ZMAT4: variants seen among roughly 807,000 people sequenced by gnomAD.
The protein encoded by ZMAT4 is zinc finger matrin-type protein 4.
Under a neutral mutation model 28.7 loss-of-function variants are expected in ZMAT4, and 17 were observed. That is an observed-to-expected ratio of 0.59 (90% CI 0.41 to 0.89). ZMAT4 has a LOEUF of 0.89. ZMAT4 is among the 40% of genes least tolerant of loss of function. ZMAT4 has a pLI of 0.00. For missense variants in ZMAT4, 240 were observed against 283.8 expected, an observed-to-expected ratio of 0.85 and a Z score of 1.11; for synonymous variants, 117 against 109.2, an observed-to-expected ratio of 1.07 and a Z score of -0.44.
chr8:40,615,506 T>C (rs1208763737), intron 5 of ZMAT4, among the ~76,000 whole-genome samples: 2 of 152,234 alleles, frequency 1.3e-5, no homozygotes, highest in Non-Finnish European at 1.5e-5. Flanking sequence ...TCCTGGATGA[T>C]ATCCTGCAGA....
chr8:40,726,524 G>A (rs1387244467), intron 3 of ZMAT4, among the ~76,000 whole-genome samples: 1 of 152,204 alleles, frequency 6.6e-6, no homozygotes, highest in Non-Finnish European at 1.5e-5. Flanking sequence ...GGAAAGTGGA[G>A]CCAGGTAAGT....
At chr8:40,713,921 C>CAA (rs532317102) in intron 3 of ZMAT4, among the ~76,000 whole-genome samples, 17 of 50,020 alleles carry the variant, frequency 3.4e-4, no homozygotes, top group African/African-American at 1.1e-3. Context: ...AAAACAAAAC[C>CAA]AAAAAAAAAA....
chr8:40,592,567 T>G lies in ZMAT4; in HGVS notation c.578-11306A>C, dbSNP rs557899261. Among the ~76,000 whole-genome samples the G allele has an allele frequency of 8.5e-5, 13 of 152,322 alleles. No homozygotes were observed. In the East Asian group the frequency reaches 2.5e-3, roughly 29 times the overall value. On this transcript the variant is annotated intron_variant, in intron 5 of 6. Transcript: ENST00000297737. Reference sequence around the variant, plus strand: ...TTTGAAAATTTAATTGGGAAGCAAATGGCTTTGCATCTTCAAAAGTTGTTT... The same window carrying G: ...TTTGAAAATTTAATTGGGAAGCAAAGGGCTTTGCATCTTCAAAAGTTGTTT...
At chr8:40,857,114 A>C (rs756544530) in intron 1 of ZMAT4, among the ~76,000 whole-genome samples, 1 of 152,186 alleles carries the variant, frequency 6.6e-6, no homozygotes, top group Non-Finnish European at 1.5e-5. Flanking sequence ...GGAGGGAGGG[A>C]GGCAAGTGAA....
chr8:40,873,553 C>A (rs1460374946), intron 1 of ZMAT4, among the ~76,000 whole-genome samples: 3 of 152,096 alleles, frequency 2.0e-5, no homozygotes, highest in Admixed American at 1.3e-4. Context: ...GTCTCTGTGA[C>A]CTTACTAGGC....
At chr8:40,653,101 A>G (rs1563389956) in intron 5 of ZMAT4, among the ~76,000 whole-genome samples, 1 of 152,046 alleles carries the variant, frequency 6.6e-6, no homozygotes, top group East Asian at 1.9e-4. Flanking sequence ...ATAAAAAAGA[A>G]ATTTGAGAAA....
At chr8:40,808,684 G>C (rs1815192207) in intron 2 of ZMAT4, 1 of 324,090 alleles carries the variant, frequency 3.1e-6, no homozygotes, top group Non-Finnish European at 6.2e-6. Context: ...AAGAAAGAGA[G>C]GGAAAGAGCA....
chr8:40,704,950 C>A (rs997742894), intron 3 of ZMAT4, among the ~76,000 whole-genome samples: 3 of 152,144 alleles, frequency 2.0e-5, no homozygotes, highest in Non-Finnish European at 2.9e-5. Flanking sequence ...TGTTCAGAGT[C>A]CCATGGGGAA....
chr8:40,601,792 G>T (rs563383685), intron 5 of ZMAT4, among the ~76,000 whole-genome samples: 1 of 152,250 alleles, frequency 6.6e-6, no homozygotes, highest in South Asian at 2.1e-4. Flanking sequence ...ACCCTATAAG[G>T]TGTGTTTTAT....
chr8:40,545,178 C>T (rs762477884), intron 6 of ZMAT4, among the ~76,000 whole-genome samples: 2 of 151,898 alleles, frequency 1.3e-5, no homozygotes, highest in African/African-American at 4.8e-5. Flanking sequence ...AGCAACTGCG[C>T]GAGTGAGGTT....
chr8:40,600,165 G>T (rs894985071), intron 5 of ZMAT4, among the ~76,000 whole-genome samples: 1 of 152,192 alleles, frequency 6.6e-6, no homozygotes, highest in Non-Finnish European at 1.5e-5. Flanking sequence ...ATGTATTGGG[G>T]CTATTTAGTG....
chr8:40,543,595 C>T (rs1803110053), intron 6 of ZMAT4, among the ~76,000 whole-genome samples: 1 of 152,160 alleles, frequency 6.6e-6, no homozygotes, highest in South Asian at 2.1e-4. Flanking sequence ...ATCATGGAAC[C>T]TAGAGCAGAT....
rs202047731 is a variant in ZMAT4, at chr8:40,767,707, G to T, written c.126C>A (p.Val42=). 1.5e-4 allele frequency: 246 copies of T among 1,612,548 alleles called. No individual in the cohort carries two copies. Among genetic ancestry groups the T allele is most frequent in the Non-Finnish European group, 2.0e-4 (239 of 1,179,526 alleles). The change falls in exon 3 of 7, where the codon GTC becomes GTA. Residue 42 remains valine (V), a synonymous_variant. Coordinates refer to ENST00000297737, the MANE Select transcript of ZMAT4 (RefSeq NM_024645.3). ...HYESRKHASK[V]RLYYMLHPRD... ...TGGGGTGAAGCATGTAATACAGTCG[G>T]ACTTTGCTTGCATGTTTTCGACTCT...
chr8:40,850,766 C>T (rs556432235), intron 1 of ZMAT4, among the ~76,000 whole-genome samples: 45 of 152,180 alleles, frequency 3.0e-4, no homozygotes, highest in Non-Finnish European at 5.7e-4. Flanking sequence ...TTATGCCTCT[C>T]CTTACAGTCC....
At chr8:40,880,211 T>C (rs1441093007) in intron 1 of ZMAT4, among the ~76,000 whole-genome samples, 1 of 151,810 alleles carries the variant, frequency 6.6e-6, no homozygotes, top group Non-Finnish European at 1.5e-5. Flanking sequence ...CTACTAAAAA[T>C]ACAAAAAATT....
At chr8:40,774,622 T>A (rs1813514349) in intron 2 of ZMAT4, among the ~76,000 whole-genome samples, 1 of 151,704 alleles carries the variant, frequency 6.6e-6, no homozygotes. Context: ...TTGTAATATA[T>A]CCATATAATA....
chr8:40,755,722 G>A (rs1421498776), intron 3 of ZMAT4, among the ~76,000 whole-genome samples: 1 of 152,024 alleles, frequency 6.6e-6, no homozygotes, highest in East Asian at 1.9e-4. Flanking sequence ...CAAAATGCTG[G>A]GATTAAGGGT....
intron 5 of ZMAT4, among the ~76,000 whole-genome samples, chr8:40,613,180 CT>C (rs34687121): frequency 1.6e-4 from 13 of 79,976 alleles, no homozygotes; most frequent in African/African-American, 5.4e-4. Context: ...TACTTTCTTT[CT>C]TTTTTTTTTT....
chr8:40,846,208 G>A (rs1049698677), intron 1 of ZMAT4, among the ~76,000 whole-genome samples: 5 of 152,070 alleles, frequency 3.3e-5, no homozygotes, highest in South Asian at 2.1e-4. Flanking sequence ...TATACTTGGC[G>A]GTGTTTCTTT....
Sources: gnomAD v4.1 joint callset for allele counts (sites outside exome capture counted in the v4.1 genomes callset) on GRCh38, gnomAD v4.1.1 for gene constraint, MANE v1.5 for transcripts, NCBI Gene and HGNC (gene_info 2026-07-23, HGNC 2026-07-21) for gene names.